Variants in FGF12 observed in about 807,000 individuals in gnomAD.
FGF12 encodes the protein fibroblast growth factor 12B.
Under a neutral mutation model 23.6 loss-of-function variants are expected in FGF12, and 14 were observed. That is an observed-to-expected ratio of 0.59 (90% CI 0.39 to 0.93). FGF12 has a LOEUF of 0.93. Ranked by LOEUF, FGF12 falls within the 40% of genes least tolerant of loss-of-function variation. FGF12 has a pLI of 0.00. For missense variants in FGF12, 175 were observed against 217.8 expected, an observed-to-expected ratio of 0.80 and a Z score of 1.24; for synonymous variants, 62 against 77.3, an observed-to-expected ratio of 0.80 and a Z score of 1.04.
chr3:192,377,885 T>C (rs1422667197), intron 2 of FGF12, among the ~76,000 whole-genome samples: 3 of 152,180 alleles, frequency 2.0e-5, no homozygotes, highest in Non-Finnish European at 4.4e-5. Context: ...CCCTAGAGAA[T>C]TGAAAACCAC....
In FGF12 at chr3:192,727,462, ATT is replaced by A. The variant is rs34864946; in HGVS notation, c.-131+20_-131+21del. On this transcript the variant is annotated intron_variant, in intron 1 of 5. Transcript: ENST00000445105. ...AAATGCATGCACAGTGCCCGCTCAGATTTTTTTTTTTTTTTTTTTACCTGGGT... is the reference window on the plus strand; with the variant it reads ...AAATGCATGCACAGTGCCCGCTCAGATTTTTTTTTTTTTTTTTACCTGGGT... 31,926 of 546,954 alleles carry A rather than the reference ATT, an allele frequency of 0.058. No homozygotes were observed. Among genetic ancestry groups the A allele is most frequent in the South Asian group, 0.085 (3,446 of 40,690 alleles). The allele number at this position is 546,954 out of a possible 1,614,324, so 33.9% of individuals were successfully genotyped here.
At chr3:192,218,090 C>T (rs1437929746) in intron 4 of FGF12, among the ~76,000 whole-genome samples, 1 of 152,166 alleles carries the variant, frequency 6.6e-6, no homozygotes, top group Non-Finnish European at 1.5e-5. Flanking sequence ...ACGTCGGCCT[C>T]CCAAAATGCT....
chr3:192,615,951 G>T (rs995056690), intron 2 of FGF12, among the ~76,000 whole-genome samples: 6 of 146,462 alleles, frequency 4.1e-5, no homozygotes, highest in Non-Finnish European at 9.1e-5. Flanking sequence ...TACAAGTAAT[G>T]GGATTATGGA....
chr3:192,593,815 C>T (rs1448214245), intron 2 of FGF12, among the ~76,000 whole-genome samples: 1 of 151,796 alleles, frequency 6.6e-6, no homozygotes, highest in African/African-American at 2.4e-5. Context: ...AAGATACTGG[C>T]TCAAACGGTA....
chr3:192,678,738 C>T (rs1717414594), intron 2 of FGF12, among the ~76,000 whole-genome samples: 1 of 152,122 alleles, frequency 6.6e-6, no homozygotes, highest in Admixed American at 6.6e-5. Flanking sequence ...TAAAGAAAAA[C>T]AGGGTCAGTG....
At chr3:192,533,959 T>C (rs1482682433) in intron 2 of FGF12, 4 of 152,044 alleles carry the variant, frequency 2.6e-5, no homozygotes, top group Non-Finnish European at 5.9e-5. Context: ...TCTCTATTCC[T>C]CTTTATAAAT....
At chr3:192,318,394 A>G (rs1216985821) in intron 4 of FGF12, among the ~76,000 whole-genome samples, 2 of 152,196 alleles carry the variant, frequency 1.3e-5, no homozygotes, top group East Asian at 1.9e-4. Flanking sequence ...ATAATTTAGA[A>G]GAATCAAGGA....
At chr3:192,468,877 C>T (rs140390069) in intron 2 of FGF12, among the ~76,000 whole-genome samples, 34 of 152,300 alleles carry the variant, frequency 2.2e-4, no homozygotes, top group African/African-American at 5.1e-4. Flanking sequence ...TTTCCTTCTA[C>T]ATTTATTAAT....
chr3:192,392,655 G>C (rs1720358732), intron 2 of FGF12, among the ~76,000 whole-genome samples: 1 of 147,940 alleles, frequency 6.8e-6, no homozygotes, highest in Non-Finnish European at 1.5e-5. Flanking sequence ...AGGGAGGGAG[G>C]GAAGAAAGGA....
At chr3:192,521,523 G>A (rs900258471) in intron 2 of FGF12, 2 of 152,060 alleles carry the variant, frequency 1.3e-5, no homozygotes, top group Non-Finnish European at 2.9e-5. Context: ...GAATGTCAAG[G>A]AAAAAAAGCA....
intron 2 of FGF12, among the ~76,000 whole-genome samples, chr3:192,392,735 G>C (rs1165651775): frequency 2.0e-5 from 3 of 151,992 alleles, no homozygotes; most frequent in African/African-American, 7.2e-5. Flanking sequence ...ACCTTTTTAA[G>C]ATAAAGGCCT....
intron 2 of FGF12, among the ~76,000 whole-genome samples, chr3:192,640,523 C>T (rs1334281136): frequency 6.6e-6 from 1 of 152,024 alleles, no homozygotes; most frequent in Non-Finnish European, 1.5e-5. Context: ...CAAAAGAAAG[C>T]TGCTAAGAGG....
chr3:192,154,991 G>A (rs1164434381), intron 5 of FGF12, among the ~76,000 whole-genome samples: 1 of 144,982 alleles, frequency 6.9e-6, no homozygotes, highest in Non-Finnish European at 1.5e-5. Context: ...GACCCTCCGA[G>A]CCAGGTGTGG....
intron 4 of FGF12, among the ~76,000 whole-genome samples, chr3:192,198,132 A>G (rs1036592256): frequency 2.0e-5 from 3 of 152,118 alleles, no homozygotes; most frequent in Non-Finnish European, 4.4e-5. Context: ...AGAACGGTGC[A>G]TCCATTCTAA....
At chr3:192,218,411 G>A (rs964705883) in intron 4 of FGF12, among the ~76,000 whole-genome samples, 7 of 152,106 alleles carry the variant, frequency 4.6e-5, no homozygotes, top group African/African-American at 1.2e-4. Context: ...TGGATCATGC[G>A]GGTGCGTTTC....
intron 5 of FGF12, among the ~76,000 whole-genome samples, chr3:192,159,637 T>G (rs1714750773): frequency 6.6e-6 from 1 of 152,192 alleles, no homozygotes; most frequent in South Asian, 2.1e-4. Context: ...CCAAACAAGA[T>G]AGTCTCCCCA....
rs148276295 is a variant in FGF12, at chr3:192,426,792, C to T, written c.14-66254G>A. Among the ~76,000 whole-genome samples, 8 of 152,174 alleles carry T rather than the reference C, an allele frequency of 5.3e-5. No individual in the cohort carries two copies. In the East Asian group the frequency reaches 1.4e-3, roughly 26 times the overall value. Reference sequence around the variant, plus strand: ...TAAGTAGTATCAGGATTTAAAAGAACCAAATGTCTCAAGAGTAGAAGAGTA... The same window carrying T: ...TAAGTAGTATCAGGATTTAAAAGAATCAAATGTCTCAAGAGTAGAAGAGTA... On this transcript the variant is annotated intron_variant, in intron 2 of 5. Transcript: ENST00000445105.
chr3:192,293,050 G>T (rs1714842527), intron 4 of FGF12, among the ~76,000 whole-genome samples: 1 of 152,076 alleles, frequency 6.6e-6, no homozygotes, highest in Non-Finnish European at 1.5e-5. Flanking sequence ...AACGTGCTGG[G>T]ATTATAGGCA....
At chr3:192,666,666 T>C (rs1479754041) in intron 2 of FGF12, among the ~76,000 whole-genome samples, 1 of 152,238 alleles carries the variant, frequency 6.6e-6, no homozygotes, top group African/African-American at 2.4e-5. Flanking sequence ...CCTTTGTTTA[T>C]GTCTGAGGAA....
Sources: allele counts gnomAD v4.1 joint callset (sites outside exome capture counted in the v4.1 genomes callset), GRCh38; gene constraint gnomAD v4.1.1; transcripts MANE v1.5; gene names NCBI Gene and HGNC (gene_info 2026-07-23, HGNC 2026-07-21).